Variants in LAMA4 observed in about 807,000 individuals in gnomAD.
The protein encoded by LAMA4 is laminin subunit alpha 4.
LAMA4 carries 127 observed loss-of-function variants against 207.1 expected under a neutral mutation model. The ratio of observed to expected loss-of-function variants is 0.61; its 90% confidence interval spans 0.53 to 0.71. The LOEUF (loss-of-function observed/expected upper bound fraction) is 0.71. Ranked by LOEUF, LAMA4 falls within the 30% of genes least tolerant of loss-of-function variation. LAMA4 has a pLI of 0.00. For missense variants in LAMA4, 2,093 were observed against 2,246.5 expected (o/e 0.93, Z 1.38); for synonymous variants, 761 against 816.0 (o/e 0.93, Z 1.15).
intron 9 of LAMA4, 67 bp downstream of exon 9, chr6:112,185,170 C>CCAA: frequency 9.5e-7 from 1 of 1,057,728 alleles, no homozygotes; most frequent in Non-Finnish European, 1.5e-6. Flanking sequence ...TTGTGACCAG[C>CCAA]CAGCCTCACA....
At chr6:112,238,518 T>C (rs1554366907) in intron 2 of LAMA4, among the ~76,000 whole-genome samples, 1 of 152,056 alleles carries the variant, frequency 6.6e-6, no homozygotes, top group Non-Finnish European at 1.5e-5. Context: ...GAGACCAGCC[T>C]GGCCAACATG....
At chr6:112,180,042 A>G (rs1554344928) in intron 9 of LAMA4, 1 of 415,148 alleles carries the variant, frequency 2.4e-6, no homozygotes, top group East Asian at 7.4e-5. Context: ...CTTTTAAAAA[A>G]TACGGACACA....
At chr6:112,184,783 T>C (rs1002923685) in intron 9 of LAMA4, among the ~76,000 whole-genome samples, 13 of 152,178 alleles carry the variant, frequency 8.5e-5, no homozygotes, top group Non-Finnish European at 1.9e-4. Context: ...AAGTGGTTTT[T>C]TCCCTGCCAA....
chr6:112,187,728 A>G, intron 7 of LAMA4, 127 bp from the exon 8 acceptor site: 1 of 961,246 alleles, frequency 1.0e-6, no homozygotes, highest in Non-Finnish European at 1.6e-6. Flanking sequence ...GAAGAGCTGT[A>G]ATTCTATTCT....
chr6:112,235,877 T>A (rs1244595310), intron 2 of LAMA4, among the ~76,000 whole-genome samples: 1 of 152,186 alleles, frequency 6.6e-6, no homozygotes, highest in Non-Finnish European at 1.5e-5. Flanking sequence ...AGAAATGGGA[T>A]GCATGATTTG....
intron 3 of LAMA4, among the ~76,000 whole-genome samples, chr6:112,209,177 C>G (rs1304374665): frequency 1.3e-5 from 2 of 152,190 alleles, no homozygotes; most frequent in Admixed American, 6.5e-5. Context: ...GGCAGGGCTG[C>G]TTGTAGGCTG....
intron 24 of LAMA4, among the ~76,000 whole-genome samples, chr6:112,137,141 A>G (rs1779400894): frequency 6.6e-6 from 1 of 152,202 alleles, no homozygotes; most frequent in Admixed American, 6.5e-5. Flanking sequence ...TAAGAATCAA[A>G]GAAATTTTGT....
In LAMA4 at chr6:112,134,676, T is replaced by C. The variant is rs1432286708; in HGVS notation, c.3415-67A>G. ...ATATTCAGTTCTTTGATGACTTCTA[T>C]ATATTTTAATTCTCCTGGTATACTA... On this transcript the variant is annotated intron_variant, in intron 25 of 38. Coordinates refer to ENST00000230538, the MANE Select transcript of LAMA4 (RefSeq NM_001105206.3). 3.2e-6 allele frequency: 4 copies of C among 1,266,986 alleles called. No individual in the cohort carries two copies. The African/African-American group carries it at 5.9e-5, about 19-fold the overall frequency. 78.5% of individuals were successfully genotyped at this position (1,266,986 alleles called of 1,614,324 possible).
At chr6:112,133,023 G>T in intron 27 of LAMA4, 133 bp from the exon 28 acceptor site, 1 of 991,156 alleles carries the variant, frequency 1.0e-6, no homozygotes, top group Non-Finnish European at 1.5e-6. Flanking sequence ...TCTGGTCTAT[G>T]TTGGAATTCA....
chr6:112,139,972 T>A (rs1779593246), intron 22 of LAMA4, 87 bp from the exon 23 acceptor site: 6 of 1,327,686 alleles, frequency 4.5e-6, no homozygotes, highest in Admixed American at 1.7e-5. Flanking sequence ...TAATAGTAGG[T>A]CAAGGAGACC....
rs925225189 is a variant in LAMA4 at position 112,109,302 on chromosome 6, G to C, written c.*135C>G. Reference sequence around the variant, plus strand: ...GAGAAATAAGAAATATCCGGTCCCTGATGATTCGTTTAAGTCCTGTTCAAC... The same window carrying C: ...GAGAAATAAGAAATATCCGGTCCCTCATGATTCGTTTAAGTCCTGTTCAAC... On this transcript the variant is annotated 3_prime_UTR_variant, in exon 39 of 39. Transcript: ENST00000230538. 1.8e-5 allele frequency: 17 copies of C among 927,396 alleles called. No homozygotes were observed. In the African/African-American group the frequency reaches 2.8e-4, roughly 15 times the overall value. The allele number at this position is 927,396 out of a possible 1,614,324, so 57.4% of individuals were successfully genotyped here.
chr6:112,136,824 A>G (rs9487824), intron 24 of LAMA4, among the ~76,000 whole-genome samples: 26,940 of 152,146 alleles, frequency 0.18, 3,058 homozygotes, highest in East Asian at 0.36. Context: ...TAATGGATGA[A>G]GTTTTAAGTC....
chr6:112,175,211 T>C (rs1446406408), intron 11 of LAMA4, 102 bp downstream of exon 11: 3 of 1,099,308 alleles, frequency 2.7e-6, no homozygotes, highest in East Asian at 2.4e-5. Context: ...ACACTGGAAA[T>C]TGGTTGCTTT....
chr6:112,253,665 G>A (rs1316543014), intron 2 of LAMA4: 6 of 1,382,108 alleles, frequency 4.3e-6, no homozygotes, highest in Non-Finnish European at 6.1e-6. Context: ...TCACCGATGT[G>A]CTGCTGCAGT....
chr6:112,179,801 C>G (rs1187485707), intron 9 of LAMA4: 1 of 404,536 alleles, frequency 2.5e-6, no homozygotes, highest in Non-Finnish European at 5.0e-6. Context: ...CCCTACAGAG[C>G]AAGGCTCCTG....
intron 3 of LAMA4, 120 bp downstream of exon 3, chr6:112,216,248 A>G: frequency 1.3e-6 from 1 of 742,428 alleles, no homozygotes; most frequent in Non-Finnish European, 2.5e-6. Context: ...AAGGGTGAAC[A>G]AAAGCACTTG....
intron 2 of LAMA4, among the ~76,000 whole-genome samples, chr6:112,224,069 C>T (rs1308520370): frequency 2.0e-5 from 3 of 152,160 alleles, no homozygotes; most frequent in Non-Finnish European, 4.4e-5. Flanking sequence ...CATCTCTGGC[C>T]ATCACACCTG....
chr6:112,147,148 C>A (rs1780076789), intron 18 of LAMA4, among the ~76,000 whole-genome samples: 1 of 152,012 alleles, frequency 6.6e-6, no homozygotes, highest in Admixed American at 6.6e-5. Context: ...CTTGATAAGA[C>A]TGGTAAAAAA....
At chr6:112,233,961 T>C (rs1312284984) in intron 2 of LAMA4, among the ~76,000 whole-genome samples, 1 of 152,168 alleles carries the variant, frequency 6.6e-6, no homozygotes, top group Non-Finnish European at 1.5e-5. Flanking sequence ...CCACACATTG[T>C]AGATAATATT....
Sources: gnomAD v4.1 joint callset for allele counts (sites outside exome capture counted in the v4.1 genomes callset) on GRCh38, gnomAD v4.1.1 for gene constraint, MANE v1.5 for transcripts, NCBI Gene and HGNC (gene_info 2026-07-23, HGNC 2026-07-21) for gene names.